The following PPM1L variants were observed in gnomAD, a reference collection of about 807,000 sequenced individuals.
PPM1L encodes the protein protein phosphatase, Mg2+/Mn2+ dependent 1L, also known as protein phosphatase 1L.
PPM1L carries 13 observed loss-of-function variants against 31.4 expected under a neutral mutation model. The ratio of observed to expected loss-of-function variants is 0.41; its 90% CI spans 0.27 to 0.66. The LOEUF is 0.66. Among genes scored for constraint, PPM1L ranks in the 30% least tolerant of loss-of-function variants. PPM1L has a pLI of 0.29. For missense variants in PPM1L, 326 were observed against 453.7 expected (o/e 0.72, Z 2.56); for synonymous variants, 184 against 175.4 (o/e 1.05, Z -0.39).
chr3:160,896,488 T>A (rs1037306178), intron 1 of PPM1L, among the ~76,000 whole-genome samples: 6 of 152,264 alleles, frequency 3.9e-5, no homozygotes, highest in Middle Eastern at 3.4e-3. Context: ...TAAAAGGAAG[T>A]TTATTCACTT....
chr3:160,832,405 A>T (rs961511153), intron 1 of PPM1L, among the ~76,000 whole-genome samples: 5 of 152,032 alleles, frequency 3.3e-5, no homozygotes, highest in African/African-American at 1.2e-4. Context: ...GAGCTGAGAG[A>T]GTGCTTGGTA....
At chr3:160,808,702 G>T (rs1490794166) in intron 1 of PPM1L, among the ~76,000 whole-genome samples, 1 of 152,110 alleles carries the variant, frequency 6.6e-6, no homozygotes, top group African/African-American at 2.4e-5. Context: ...TATGTGCCTC[G>T]AGACAGTGGC....
chr3:160,915,364 C>A (rs529013253), intron 1 of PPM1L, among the ~76,000 whole-genome samples: 1 of 152,048 alleles, frequency 6.6e-6, no homozygotes, highest in African/African-American at 2.4e-5. Context: ...ACGTGAAGGA[C>A]CTCTTCAAGG....
chr3:160,883,996 G>A (rs2108040041), intron 1 of PPM1L, among the ~76,000 whole-genome samples: 1 of 152,080 alleles, frequency 6.6e-6, no homozygotes, highest in South Asian at 2.1e-4. Context: ...CTTGAGCCTG[G>A]GAGTTTGAGA....
At position 161,072,860 on chromosome 3, in the gene PPM1L, A is replaced by G. The variant is rs536923666; in HGVS notation, c.*3703A>G. ...TGTATAAAACTTTTCCAATGATTTC[A>G]GAAATTCTTTTTTCCTCCTTTTGAC... On this transcript the variant is annotated 3_prime_UTR_variant, in exon 4 of 4. Coordinates refer to ENST00000498165, the MANE Select transcript of PPM1L (RefSeq NM_139245.4). 2 of 152,360 alleles carry G rather than the reference A, an allele frequency of 1.3e-5. No individual in the cohort carries two copies. The highest frequency in any genetic ancestry group is 4.8e-5 in the African/African-American group (2 of 41,592). The allele number at this position is 152,360 out of a possible 1,614,324, so 9.4% of individuals were successfully genotyped here. A position where few individuals can be genotyped will look rare whatever the true frequency, so the allele number is the denominator to read the frequency against.
chr3:161,007,583 A>G (rs1020946976), intron 2 of PPM1L, among the ~76,000 whole-genome samples: 1 of 152,252 alleles, frequency 6.6e-6, no homozygotes, highest in African/African-American at 2.4e-5. Flanking sequence ...GCAGCCCAGG[A>G]CAGCTTTGAA....
At chr3:160,944,879 CAT>C (rs1338497426) in intron 1 of PPM1L, among the ~76,000 whole-genome samples, 1,441 of 17,280 alleles carry the variant, frequency 0.083, 91 homozygotes, top group Middle Eastern at 0.17. Flanking sequence ...TTATATATAA[CAT>C]ATATATTATA....
In PPM1L at chr3:161,073,416, T is replaced by C. The variant is rs1719995905; in HGVS notation, c.*4259T>C. 2 of 152,194 alleles carry C rather than the reference T, an allele frequency of 1.3e-5. No individual in the cohort carries two copies. The highest frequency in any genetic ancestry group is 4.1e-4 in the South Asian group (2 of 4,826). The allele number at this position is 152,194 out of a possible 1,614,324, so 9.4% of individuals were successfully genotyped here. A position where few individuals can be genotyped will look rare whatever the true frequency, so the allele number is the denominator to read the frequency against. On this transcript the variant is annotated 3_prime_UTR_variant, in exon 4 of 4. Coordinates refer to ENST00000498165, the MANE Select transcript of PPM1L (RefSeq NM_139245.4). ...CATTCACGATGACTCTTAGTAGCAG[T>C]ACAATTTGCAACTTAGAAGCATGAG...
At chr3:160,902,186 T>C (rs1223545017) in intron 1 of PPM1L, among the ~76,000 whole-genome samples, 1 of 152,128 alleles carries the variant, frequency 6.6e-6, no homozygotes, top group Non-Finnish European at 1.5e-5. Flanking sequence ...TTTAATTTAT[T>C]GAGTCTGATT....
intron 1 of PPM1L, among the ~76,000 whole-genome samples, chr3:160,847,751 T>A (rs1206589049): frequency 6.6e-6 from 1 of 152,182 alleles, no homozygotes; most frequent in African/African-American, 2.4e-5. Context: ...AATCCTAAGA[T>A]TGGTATAAAA....
intron 2 of PPM1L, among the ~76,000 whole-genome samples, chr3:160,982,489 A>C (rs1716833361): frequency 6.6e-6 from 1 of 152,180 alleles, no homozygotes; most frequent in South Asian, 2.1e-4. Context: ...AAAATTTATC[A>C]CATTTTAAAT....
chr3:160,990,109 C>T (rs1022816255), intron 2 of PPM1L, among the ~76,000 whole-genome samples: 1 of 152,158 alleles, frequency 6.6e-6, no homozygotes, highest in Non-Finnish European at 1.5e-5. Context: ...ATCCTCCCGC[C>T]TCAGCCTACC....
At chr3:160,919,474 C>T (rs1252646064) in intron 1 of PPM1L, among the ~76,000 whole-genome samples, 1 of 152,188 alleles carries the variant, frequency 6.6e-6, no homozygotes, top group Non-Finnish European at 1.5e-5. Flanking sequence ...TGGGTGTCAT[C>T]CTCATGCTAC....
chr3:161,052,717 G>A (rs7622047), intron 2 of PPM1L, among the ~76,000 whole-genome samples: 98,069 of 152,096 alleles, frequency 0.64, 34,199 homozygotes, highest in East Asian at 0.97. Context: ...ATGGTCATTT[G>A]TATAAGGATA....
chr3:160,837,339 C>T (rs1005126772), intron 1 of PPM1L, among the ~76,000 whole-genome samples: 1 of 152,108 alleles, frequency 6.6e-6, no homozygotes, highest in Non-Finnish European at 1.5e-5. Flanking sequence ...AAAAATGATA[C>T]TGTTATAAGC....
intron 1 of PPM1L, among the ~76,000 whole-genome samples, chr3:160,786,428 G>A (rs1485408693): frequency 2.7e-5 from 4 of 150,444 alleles, no homozygotes; most frequent in South Asian, 2.1e-4. Flanking sequence ...ATGTTGGCCC[G>A]GCTGGTCTCG....
chr3:160,887,612 G>A (rs541198001), intron 1 of PPM1L, among the ~76,000 whole-genome samples: 1,616 of 140,998 alleles, frequency 0.011, 35 homozygotes, highest in African/African-American at 0.041. Flanking sequence ...ATGGAGTCTC[G>A]CTCTGTCACC....
chr3:161,054,575 G>T (rs1263141518), intron 2 of PPM1L, among the ~76,000 whole-genome samples: 2 of 152,000 alleles, frequency 1.3e-5, no homozygotes, highest in African/African-American at 4.8e-5. Flanking sequence ...TTTCTGGTTT[G>T]CACACAAAAA....
intron 1 of PPM1L, among the ~76,000 whole-genome samples, chr3:160,888,722 A>G (rs1338214816): frequency 6.6e-6 from 1 of 152,224 alleles, no homozygotes; most frequent in Non-Finnish European, 1.5e-5. Flanking sequence ...AACAGAATAT[A>G]CATTCTTCTC....
Sources: allele counts gnomAD v4.1 joint callset (sites outside exome capture counted in the v4.1 genomes callset), GRCh38; gene constraint gnomAD v4.1.1; transcripts MANE v1.5; gene names NCBI Gene and HGNC (gene_info 2026-07-23, HGNC 2026-07-21).